Variants in ATP8A2 observed in about 807,000 individuals in gnomAD.
ATP8A2 encodes the protein phospholipid-transporting ATPase IB.
A neutral mutation model predicts 165.6 loss-of-function variants in ATP8A2; 100 were observed. The observed-to-expected ratio is 0.60, with a 90% CI of 0.51 to 0.71. The LOEUF (loss-of-function observed/expected upper bound fraction) is 0.71. Among genes scored for constraint, ATP8A2 ranks in the 30% least tolerant of loss-of-function variants. The probability of loss-of-function intolerance (pLI) is 0.00; values close to 1 mark genes in which losing one functional copy is unlikely to be tolerated. For synonymous variants in ATP8A2, 543 were observed against 548.8 expected (o/e 0.99, Z 0.15); for missense variants, 1,227 against 1,479.5 (o/e 0.83, Z 2.80).
chr13:25,769,011 A>T (rs753632061), intron 25 of ATP8A2, 35 bp from the exon 26 acceptor site: 3 of 1,594,640 alleles, frequency 1.9e-6, no homozygotes, highest in Non-Finnish European at 1.7e-6. Context: ...CTGGAAAGAC[A>T]TGCATAGCTC....
At chr13:25,874,882 C>T (rs906710000) in intron 33 of ATP8A2, among the ~76,000 whole-genome samples, 2 of 150,692 alleles carry the variant, frequency 1.3e-5, no homozygotes, top group African/African-American at 4.9e-5. Flanking sequence ...GTTATTCAAC[C>T]TCACAAAAGA....
rs1486347626 is a variant in ATP8A2, at chr13:25,746,457, C to A, written c.2385-22589C>A. Among the ~76,000 whole-genome samples, 5 of 152,270 alleles carry A rather than the reference C, an allele frequency of 3.3e-5. No individual in the cohort carries two copies. The East Asian group carries it at 9.6e-4, about 29-fold the overall frequency. ...GCTGATTAAAGAATTTGAATTTGAA[C>A]CTGGAAGGACTTCTATGGTCCTTTC... On this transcript the variant is annotated intron_variant, in intron 25 of 36. Coordinates refer to ENST00000381655, the MANE Select transcript of ATP8A2 (RefSeq NM_016529.6).
At position 25,561,063 on chromosome 13, in the gene ATP8A2, T is replaced by C. The variant is rs796529402; in HGVS notation, c.1397+1298T>C. ...CACCACACCCAGCTAATTTTTTGTA[T>C]TTTTAGTAGAGCGGGGTTTCACCGT... On this transcript the variant is annotated intron_variant, in intron 15 of 36. Transcript: ENST00000381655. 6.6e-5 allele frequency among the ~76,000 whole-genome samples: 10 copies of C among 152,102 alleles called. No homozygotes were observed. The South Asian group carries it at 2.1e-3, about 32-fold the overall frequency.
Position 25,453,471 on chromosome 13 carries a change from C to T in ATP8A2, c.77-15506C>T, listed in dbSNP as rs140763622. 1.8e-3 allele frequency among the ~76,000 whole-genome samples: 273 copies of T among 152,246 alleles called. 1 individual carries two copies. The highest frequency in any genetic ancestry group is 5.4e-3 in the Admixed American group (82 of 15,296). Reference sequence around the variant, plus strand: ...CATTGTGTCTAAGCAGGGCTGTCTTCATGGCTGGGGTTTTACGGCTTATGG... The same window carrying T: ...CATTGTGTCTAAGCAGGGCTGTCTTTATGGCTGGGGTTTTACGGCTTATGG... On this transcript the variant is annotated intron_variant, in intron 1 of 36. Transcript: ENST00000381655.
chr13:25,872,544 G>T (rs1952707230), intron 33 of ATP8A2, among the ~76,000 whole-genome samples: 4 of 152,162 alleles, frequency 2.6e-5, no homozygotes, highest in Admixed American at 2.6e-4. Context: ...ACTTTTTATA[G>T]ACTTCAGTAT....
intron 6 of ATP8A2, chr13:25,534,158 C>T (rs776968946): frequency 3.2e-4 from 168 of 531,296 alleles, no homozygotes; most frequent in Non-Finnish European, 5.3e-4. Flanking sequence ...CTTTAGTTTT[C>T]GTTTTACTTT....
At chr13:25,615,236 G>A (rs2040792890) in intron 24 of ATP8A2, among the ~76,000 whole-genome samples, 1 of 152,138 alleles carries the variant, frequency 6.6e-6, no homozygotes, top group African/African-American at 2.4e-5. Context: ...ATGGAGATGT[G>A]GTTTCCAGGC....
intron 25 of ATP8A2, among the ~76,000 whole-genome samples, chr13:25,728,844 A>G (rs1173313610): frequency 6.6e-6 from 1 of 152,210 alleles, no homozygotes; most frequent in African/African-American, 2.4e-5. Flanking sequence ...GCATCTGCAT[A>G]TAGAAGTGTG....
At chr13:25,626,705 C>T (rs550331838) in intron 24 of ATP8A2, among the ~76,000 whole-genome samples, 2 of 152,190 alleles carry the variant, frequency 1.3e-5, no homozygotes, top group Non-Finnish European at 2.9e-5. Flanking sequence ...GTGTATTAGT[C>T]TGTTTTCACA....
At chr13:25,419,255 C>T (rs1033645560) in intron 1 of ATP8A2, among the ~76,000 whole-genome samples, 1 of 152,098 alleles carries the variant, frequency 6.6e-6, no homozygotes, top group East Asian at 1.9e-4. Context: ...GGGCTTTGGT[C>T]CAATCACTTA....
chr13:25,553,801 T>C lies in ATP8A2; in HGVS notation c.1066T>C (p.Ser356Pro), dbSNP rs1158763360. The C allele has an allele frequency of 1.2e-6, 2 of 1,612,944 alleles. No individual in the cohort carries two copies. Among genetic ancestry groups the C allele is most frequent in the Non-Finnish European group, 1.7e-6 (2 of 1,179,648 alleles). Residue 356 changes from serine (S) to proline (P), a missense_variant, in exon 12 of 37, where the codon TCA becomes CCA. Physicochemically the swap from Ser to Pro is moderately conservative, Grantham distance 74. This residue lies in a region of ATP8A2 where 592 missense variants were observed against 785.6 expected (regional missense o/e 0.75). Coordinates refer to ENST00000381655, the MANE Select transcript of ATP8A2 (RefSeq NM_016529.6). ...CTGGTTTCCTTCCACAGACACCACC[T>C]CAGATAATTTTGGATACAACCTACT... ...NWYIKKMDTTSDNFGYNLLTF... is the reference protein window; with the variant it reads ...NWYIKKMDTTPDNFGYNLLTF...
chr13:25,966,112 C>T (rs1039887286), intron 34 of ATP8A2, among the ~76,000 whole-genome samples: 2 of 151,982 alleles, frequency 1.3e-5, no homozygotes, highest in South Asian at 4.2e-4. Flanking sequence ...CTGGAGACAC[C>T]CTTAGGTATA....
chr13:25,888,068 ACCCCCCCCCCG>A (rs1270472562), intron 33 of ATP8A2, among the ~76,000 whole-genome samples: 5 of 105,582 alleles, frequency 4.7e-5, no homozygotes, highest in African/African-American at 1.7e-4. Flanking sequence ...AAGAACCCAG[ACCCCCCCCCCG>A]CCCCACCCCC....
intron 1 of ATP8A2, among the ~76,000 whole-genome samples, chr13:25,413,077 C>T (rs911633894): frequency 2.0e-5 from 3 of 152,034 alleles, no homozygotes; most frequent in Non-Finnish European, 4.4e-5. Flanking sequence ...CTCGATCTCC[C>T]AAAGTGCTGG....
intron 33 of ATP8A2, among the ~76,000 whole-genome samples, chr13:25,959,907 T>G (rs1168823252): frequency 6.6e-6 from 1 of 152,258 alleles, no homozygotes; most frequent in African/African-American, 2.4e-5. Context: ...GGGCAAAATG[T>G]ACTCACACAT....
chr13:25,972,553 G>C (rs370858957), intron 35 of ATP8A2, among the ~76,000 whole-genome samples: 1 of 152,254 alleles, frequency 6.6e-6, no homozygotes, highest in East Asian at 1.9e-4. Flanking sequence ...TGTGACTGTT[G>C]GGGTTGATCA....
At position 25,659,065 on chromosome 13, in the gene ATP8A2, T is replaced by C. The variant is rs143307783; in HGVS notation, c.2212-40108T>C. 2.3e-3 allele frequency among the ~76,000 whole-genome samples: 349 copies of C among 152,264 alleles called. 3 individuals are homozygous for C. Among genetic ancestry groups the C allele is most frequent in the African/African-American group, 8.2e-3 (339 of 41,534 alleles). Reference sequence around the variant, plus strand: ...AAGGTTGATGGTAAAAATGGAATGATCTATTTCAGCAAAAGCTGCCTAAGA... The same window carrying C: ...AAGGTTGATGGTAAAAATGGAATGACCTATTTCAGCAAAAGCTGCCTAAGA... On this transcript the variant is annotated intron_variant, in intron 24 of 36. Transcript: ENST00000381655.
intron 1 of ATP8A2, among the ~76,000 whole-genome samples, chr13:25,421,772 G>A (rs1424993292): frequency 6.6e-6 from 1 of 152,254 alleles, no homozygotes. Context: ...TATATAGCCT[G>A]CAGTGGCCCT....
At chr13:25,395,196 G>T (rs912605871) in intron 1 of ATP8A2, among the ~76,000 whole-genome samples, 35 of 152,222 alleles carry the variant, frequency 2.3e-4, no homozygotes, top group African/African-American at 8.4e-4. Flanking sequence ...GAGGGGCAGG[G>T]TTTTCCACCC....
Sources: allele counts gnomAD v4.1 joint callset (sites outside exome capture counted in the v4.1 genomes callset), GRCh38; gene constraint gnomAD v4.1.1; regional missense constraint gnomAD v4.1.1; transcripts MANE v1.5; gene names NCBI Gene and HGNC (gene_info 2026-07-23, HGNC 2026-07-21).